ARHGEF10L: variants seen among roughly 807,000 people sequenced by gnomAD.
ARHGEF10L encodes rho guanine nucleotide exchange factor 10-like protein.
In ARHGEF10L, 69 loss-of-function variants were observed where a neutral mutation model predicts 141.2. The observed-to-expected ratio is 0.49, with a 90% confidence interval of 0.40 to 0.60. ARHGEF10L has a LOEUF of 0.60. Ranked by LOEUF, ARHGEF10L falls within the 20% of genes least tolerant of loss-of-function variation. The probability of loss-of-function intolerance (pLI) is 0.00; values close to 1 mark genes in which losing one functional copy is unlikely to be tolerated. For missense variants in ARHGEF10L, 1,482 were observed against 1,734.3 expected (o/e 0.85, Z 2.58); for synonymous variants, 711 against 718.5 (o/e 0.99, Z 0.17).
At chr1:17,632,905 G>A (rs551229428) in intron 16 of ARHGEF10L, among the ~76,000 whole-genome samples, 1 of 152,350 alleles carries the variant, frequency 6.6e-6, no homozygotes, top group East Asian at 1.9e-4. Context: ...CATCGGCCCA[G>A]AGGAGCCTGG....
Position 17,625,141 on chromosome 1 carries a change from A to G in ARHGEF10L, c.1317+638A>G, listed in dbSNP as rs2060313794. ...GAGGAACCCACTGTCCCCATCAAAGAGAACAGGGGATCAGGAGGAGCCACC... is the reference window on the plus strand; with the variant it reads ...GAGGAACCCACTGTCCCCATCAAAGGGAACAGGGGATCAGGAGGAGCCACC... On this transcript the variant is annotated intron_variant, in intron 13 of 28. Coordinates refer to ENST00000361221, the MANE Select transcript of ARHGEF10L (RefSeq NM_018125.4). This position sits in a 1 kb window ranked among gnomAD's most constrained non-coding sequence, Gnocchi z 4.5. 6.6e-6 allele frequency among the ~76,000 whole-genome samples: 1 copy of G among 152,222 alleles called. No homozygotes were observed. The highest frequency in any genetic ancestry group is 2.1e-4 in the South Asian group (1 of 4,830).
At chr1:17,533,776 A>G in the ARHGEF10L span, among the ~76,000 whole-genome samples, 3 of 152,194 alleles carry the variant, frequency 2.0e-5, no homozygotes, top group Admixed American at 6.5e-5. Flanking sequence ...GACCGACTCT[A>G]TCATCCTTAT....
intron 25 of ARHGEF10L, among the ~76,000 whole-genome samples, chr1:17,659,127 G>T (rs530411217): frequency 4.1e-4 from 63 of 152,284 alleles, no homozygotes; most frequent in African/African-American, 1.5e-3. Context: ...CCAAGCACTG[G>T]GTTCCCTCTG....
chr1:17,646,830 C>T (rs190431401), intron 21 of ARHGEF10L, among the ~76,000 whole-genome samples: 5 of 152,048 alleles, frequency 3.3e-5, no homozygotes, highest in Admixed American at 6.5e-5. Flanking sequence ...CAGTCCAGCA[C>T]GGTGGAGCCA....
intron 1 of ARHGEF10L, among the ~76,000 whole-genome samples, chr1:17,553,330 A>G (rs1453291544): frequency 6.6e-6 from 1 of 152,204 alleles, no homozygotes; most frequent in Non-Finnish European, 1.5e-5. Context: ...TAGAATCTCT[A>G]CCAATTCTAA....
Position 17,624,380 on chromosome 1 carries a change from G to T in ARHGEF10L, c.1201-7G>T, listed in dbSNP as rs754370887. On this transcript the variant is annotated splice_region_variant and splice_polypyrimidine_tract_variant and intron_variant, in intron 12 of 28. Transcript: ENST00000361221. ...GGTCTCCCTGGCCCACACCTGCCTT[G>T]TTTCAGTTTTCCAAGTCCATGGTGC... 1.2e-6 allele frequency: 2 copies of T among 1,612,122 alleles called. No individual in the cohort carries two copies. Among genetic ancestry groups the T allele is most frequent in the East Asian group, 4.5e-5 (2 of 44,868 alleles).
At chr1:17,683,933 T>A (rs915344016) in intron 26 of ARHGEF10L, among the ~76,000 whole-genome samples, 1 of 152,228 alleles carries the variant, frequency 6.6e-6, no homozygotes, top group African/African-American at 2.4e-5. Context: ...CTGAAAATAC[T>A]TCTGACCTTT....
In ARHGEF10L at chr1:17,603,083, G is replaced by T. The variant is rs1449887298; in HGVS notation, c.350-425G>T. On this transcript the variant is annotated intron_variant, in intron 5 of 28. Coordinates refer to ENST00000361221, the MANE Select transcript of ARHGEF10L (RefSeq NM_018125.4). The surrounding 1 kb of genome is among the most constrained non-coding windows in gnomAD (Gnocchi z 4.8). ...TGGAAGGCCTGTGGGTCAAGGACCG[G>T]CTCCCATCAGGGGTGGGGGCTGGTT... is the stretch of plus-strand genomic sequence containing the variant. 6.6e-6 allele frequency among the ~76,000 whole-genome samples: 1 copy of T among 151,888 alleles called. No individual in the cohort carries two copies. Among genetic ancestry groups the T allele is most frequent in the Non-Finnish European group, 1.5e-5 (1 of 67,936 alleles).
rs79939526 is a variant in ARHGEF10L at position 17,608,018 on chromosome 1, G to A, written c.609+41G>A. ...GTGTCGCTCACCTCAGTCAGGGCAC[G>A]GAGACCCCTTCAGGGAGGGAGGGAG... On this transcript the variant is annotated intron_variant, in intron 7 of 28. Transcript: ENST00000361221. The A allele has an allele frequency of 4.4e-3, 6,021 of 1,373,978 alleles. 240 individuals carry two copies. In the African/African-American group the frequency reaches 0.08, roughly 18 times the overall value. The allele number at this position is 1,373,978 out of a possible 1,614,324, so 85.1% of individuals were successfully genotyped here. A position where few individuals can be genotyped will look rare whatever the true frequency, so the allele number is the denominator to read the frequency against.
Position 17,632,559 on chromosome 1 carries a change from G to A in ARHGEF10L, c.1730+93G>A, listed in dbSNP as rs1571104060. On this transcript the variant is annotated intron_variant, in intron 16 of 28. Transcript: ENST00000361221. ...CTCTTGGCCGGCCGCACTACAGTGG[G>A]ACCCCATGTGAGCTTGGTTTAGGCT... 3.3e-6 allele frequency: 5 copies of A among 1,525,342 alleles called. No individual in the cohort carries two copies. In the Admixed American group the frequency reaches 5.1e-5, roughly 16 times the overall value. The allele number at this position is 1,525,342 out of a possible 1,614,324, so 94.5% of individuals were successfully genotyped here.
the ARHGEF10L span, among the ~76,000 whole-genome samples, chr1:17,521,422 C>G: frequency 6.6e-6 from 1 of 152,172 alleles, no homozygotes; most frequent in Admixed American, 6.5e-5. Flanking sequence ...TCTCAAACTC[C>G]CGACCTCAGT....
intron 22 of ARHGEF10L, among the ~76,000 whole-genome samples, 200 bp downstream of exon 22, chr1:17,648,875 G>A (rs970981888): frequency 3.3e-5 from 5 of 152,238 alleles, no homozygotes; most frequent in East Asian, 3.8e-4. Flanking sequence ...AAATGGAGGC[G>A]AACGACCACT....
chr1:17,605,589 C>A (rs2081096752), intron 6 of ARHGEF10L, among the ~76,000 whole-genome samples: 1 of 152,122 alleles, frequency 6.6e-6, no homozygotes, highest in Non-Finnish European at 1.5e-5. Flanking sequence ...TGGTACAGAA[C>A]CCTGGCCCCG....
intron 18 of ARHGEF10L, 75 bp downstream of exon 18, chr1:17,635,091 A>G (rs1344592904): frequency 2.5e-6 from 4 of 1,575,178 alleles, no homozygotes; most frequent in Non-Finnish European, 3.5e-6. Flanking sequence ...GCTCCTACCC[A>G]GGCTTGGCCC....
chr1:17,515,816 C>T, the ARHGEF10L span, among the ~76,000 whole-genome samples: 1 of 152,148 alleles, frequency 6.6e-6, no homozygotes, highest in South Asian at 2.1e-4. Flanking sequence ...CTAACTTTTG[C>T]ACTTTTAGTA....
chr1:17,528,707 CTG>C, the ARHGEF10L span, among the ~76,000 whole-genome samples: 5 of 152,200 alleles, frequency 3.3e-5, no homozygotes, highest in African/African-American at 1.2e-4. Flanking sequence ...AGACACAACT[CTG>C]TGCACTGGAT....
chr1:17,627,322 C>T lies in ARHGEF10L; in HGVS notation c.1411-8C>T. On this transcript the variant is annotated splice_region_variant and splice_polypyrimidine_tract_variant and intron_variant, in intron 14 of 28. Transcript: ENST00000361221. The surrounding 1 kb of genome is among the most constrained non-coding windows in gnomAD (Gnocchi z 4.0). The stretch of plus-strand genomic sequence containing the variant: ...GTGGGCTGCTCAGTCTCTGCTCTGA[C>T]CTGGCAGGACATGCTGAAGAACACC... 6.2e-7 allele frequency: 1 copy of T among 1,612,808 alleles called. No homozygotes were observed. Among genetic ancestry groups the T allele is most frequent in the Non-Finnish European group, 8.5e-7 (1 of 1,179,132 alleles).
chr1:17,594,072 C>T (rs921888957), intron 4 of ARHGEF10L, among the ~76,000 whole-genome samples: 6 of 151,598 alleles, frequency 4.0e-5, no homozygotes, highest in African/African-American at 1.2e-4. Context: ...GCGATGGGGG[C>T]TGACATGCTC....
At chr1:17,551,132 G>T (rs1415338636) in intron 1 of ARHGEF10L, among the ~76,000 whole-genome samples, 2 of 152,108 alleles carry the variant, frequency 1.3e-5, no homozygotes, top group Admixed American at 1.3e-4. Flanking sequence ...TTGCAGAGGA[G>T]GATTCCAAAG....
Sources: gnomAD v4.1 joint callset for allele counts (sites outside exome capture counted in the v4.1 genomes callset) on GRCh38, gnomAD v4.1.1 for gene constraint, Gnocchi (gnomAD v3.1) non-coding constraint, MANE v1.5 for transcripts, NCBI Gene and HGNC (gene_info 2026-07-23, HGNC 2026-07-21) for gene names.